Variants in PHLPP2 observed in about 807,000 individuals in gnomAD.
The protein encoded by PHLPP2 is PH domain leucine-rich repeat-containing protein phosphatase 2.
PHLPP2 carries 66 observed loss-of-function variants against 124.9 expected under a neutral mutation model. The ratio of observed to expected loss-of-function variants is 0.53; its 90% CI spans 0.43 to 0.65. The LOEUF (loss-of-function observed/expected upper bound fraction) is 0.65. Among genes scored for constraint, PHLPP2 ranks in the 30% least tolerant of loss-of-function variants. The pLI is 0.00. For synonymous variants in PHLPP2, 681 were observed against 624.7 expected (o/e 1.09, Z -1.34); for missense variants, 1,685 against 1,600.4 (o/e 1.05, Z -0.90).
At position 71,649,729 on chromosome 16, in the gene PHLPP2, T is replaced by TC; in HGVS notation, c.3132dup (p.Asn1045GlufsTer22). On this transcript the variant is annotated frameshift_variant, in exon 19 of 19. Transcript: ENST00000568954. LOFTEE classifies it high-confidence loss of function. The stretch of plus-strand genomic sequence containing the variant: ...ACAGGACCTGGGAGGGTGAGCCCAT[T>TC]CATTTCACAAGTGCAGCCTTCCTCA... 6.2e-7 allele frequency: 1 copy of TC among 1,614,198 alleles called. No homozygotes were observed. The highest frequency in any genetic ancestry group is 8.5e-7 in the Non-Finnish European group (1 of 1,180,028).
At chr16:71,712,173 T>C (rs1378229453) in intron 2 of PHLPP2, among the ~76,000 whole-genome samples, 4 of 152,372 alleles carry the variant, frequency 2.6e-5, no homozygotes, top group African/African-American at 9.6e-5. Context: ...TGAAAGCACT[T>C]AATGTTAGCT....
intron 13 of PHLPP2, among the ~76,000 whole-genome samples, chr16:71,659,657 T>C (rs1309419246): frequency 2.6e-5 from 4 of 152,224 alleles, no homozygotes; most frequent in African/African-American, 9.6e-5. Context: ...CACAGCACTG[T>C]GCTGTGAGGC....
At chr16:71,700,813 C>A (rs2045225340) in intron 3 of PHLPP2, among the ~76,000 whole-genome samples, 1 of 152,154 alleles carries the variant, frequency 6.6e-6, no homozygotes, top group Non-Finnish European at 1.5e-5. Flanking sequence ...GCGTGAGCCA[C>A]CGCACCTGGC....
intron 18 of PHLPP2, among the ~76,000 whole-genome samples, chr16:71,652,393 CAT>C (rs1442464285): frequency 6.6e-6 from 1 of 152,192 alleles, no homozygotes; most frequent in Non-Finnish European, 1.5e-5. Flanking sequence ...TACTACACCA[CAT>C]AGAGTATAAA....
At chr16:71,688,661 A>T (rs1044175188) in intron 4 of PHLPP2, among the ~76,000 whole-genome samples, 1 of 125,166 alleles carries the variant, frequency 8.0e-6, no homozygotes, top group Admixed American at 1.0e-4. Flanking sequence ...TTTCAGGTTC[A>T]TTTGAATGGT....
intron 2 of PHLPP2, among the ~76,000 whole-genome samples, chr16:71,712,879 T>C (rs146152008): frequency 1.2e-4 from 18 of 152,300 alleles, no homozygotes; most frequent in Non-Finnish European, 2.4e-4. Context: ...CAGCTTTGAA[T>C]TCTGTTTCAA....
intron 12 of PHLPP2, among the ~76,000 whole-genome samples, chr16:71,664,814 C>T (rs2044824598): frequency 6.6e-6 from 1 of 152,144 alleles, no homozygotes; most frequent in Non-Finnish European, 1.5e-5. Context: ...CAGCCAATTC[C>T]ATAATCCCCT....
intron 12 of PHLPP2, chr16:71,666,245 T>C (rs974429414): frequency 5.3e-5 from 8 of 152,172 alleles, no homozygotes; most frequent in African/African-American, 1.4e-4. Context: ...TTGGGTGCAG[T>C]GGCTCATGCC....
chr16:71,671,439 C>T (rs2044891992), intron 10 of PHLPP2, among the ~76,000 whole-genome samples: 1 of 151,920 alleles, frequency 6.6e-6, no homozygotes. Flanking sequence ...GCTGCCCTGT[C>T]ACTGCTTGTT....
At chr16:71,707,742 T>C (rs1264718922) in intron 2 of PHLPP2, among the ~76,000 whole-genome samples, 2 of 152,220 alleles carry the variant, frequency 1.3e-5, no homozygotes, top group Non-Finnish European at 2.9e-5. Flanking sequence ...TCTCTTCAGT[T>C]GGCTGGTGCT....
At chr16:71,670,941 T>A (rs1421568217) in intron 10 of PHLPP2, among the ~76,000 whole-genome samples, 1 of 152,030 alleles carries the variant, frequency 6.6e-6, no homozygotes, top group Non-Finnish European at 1.5e-5. Flanking sequence ...ATTTTCCCAA[T>A]CAAGTAGGAA....
At chr16:71,654,204 GAAAAAAAAAA>G (rs765826548) in intron 17 of PHLPP2, among the ~76,000 whole-genome samples, 7 of 72,354 alleles carry the variant, frequency 9.7e-5, no homozygotes, top group South Asian at 4.2e-4. Context: ...TCTCAAAAAA[GAAAAAAAAAA>G]AAAAAAAAAA....
At chr16:71,696,953 T>C (rs923010687) in intron 3 of PHLPP2, among the ~76,000 whole-genome samples, 2 of 152,002 alleles carry the variant, frequency 1.3e-5, no homozygotes, top group Non-Finnish European at 2.9e-5. Context: ...GGTAGGCGGA[T>C]GACTTGAGGT....
chr16:71,662,716 T>C (rs1365554258), intron 13 of PHLPP2, among the ~76,000 whole-genome samples: 1 of 152,192 alleles, frequency 6.6e-6, no homozygotes, highest in Admixed American at 6.5e-5. Context: ...CATAGATTTT[T>C]CTGGTGTTAA....
chr16:71,702,474 A>T, intron 3 of PHLPP2, 124 bp downstream of exon 3: 1 of 700,656 alleles, frequency 1.4e-6, no homozygotes, highest in Non-Finnish European at 2.3e-6. Context: ...GGTGTTAACT[A>T]CGTTAGTTAA....
At chr16:71,654,204 G>GACA (rs2044721925) in intron 17 of PHLPP2, among the ~76,000 whole-genome samples, 1 of 72,360 alleles carries the variant, frequency 1.4e-5, no homozygotes, top group African/African-American at 6.1e-5. Flanking sequence ...TCTCAAAAAA[G>GACA]AAAAAAAAAA....
intron 13 of PHLPP2, among the ~76,000 whole-genome samples, chr16:71,660,469 A>C (rs2044779652): frequency 8.8e-6 from 1 of 113,932 alleles, no homozygotes; most frequent in African/African-American, 3.5e-5. Flanking sequence ...TCTGTTGCCC[A>C]GGCTGGAGTG....
At chr16:71,712,833 G>A (rs1345854612) in intron 2 of PHLPP2, among the ~76,000 whole-genome samples, 1 of 152,120 alleles carries the variant, frequency 6.6e-6, no homozygotes, top group Non-Finnish European at 1.5e-5. Flanking sequence ...GGTGTAAGTG[G>A]GAGCTTCCTT....
chr16:71,698,540 T>C (rs2045197049), intron 3 of PHLPP2: 1 of 687,926 alleles, frequency 1.5e-6, no homozygotes, highest in Non-Finnish European at 2.7e-6. Context: ...TAGCACAAAG[T>C]CAGAGACATG....
Sources: gnomAD v4.1 joint callset for allele counts (sites outside exome capture counted in the v4.1 genomes callset) on GRCh38, gnomAD v4.1.1 for gene constraint, MANE v1.5 for transcripts, NCBI Gene and HGNC (gene_info 2026-07-23, HGNC 2026-07-21) for gene names.